The following TLL1 variants were observed in gnomAD, a reference collection of about 807,000 sequenced individuals.
TLL1 encodes the protein tolloid-like protein 1.
A neutral mutation model predicts 128.2 loss-of-function variants in TLL1; 49 were observed. The ratio of observed to expected loss-of-function variants is 0.38; its 90% CI spans 0.30 to 0.48. The LOEUF (loss-of-function observed/expected upper bound fraction) is 0.48. TLL1 is among the 20% of genes least tolerant of loss of function. TLL1 has a pLI of 0.96. For synonymous variants in TLL1, 454 were observed against 418.8 expected (o/e 1.08, Z -1.03); for missense variants, 1,123 against 1,242.0 (o/e 0.90, Z 1.44).
At chr4:166,039,156 T>C (rs75945609) in intron 9 of TLL1, among the ~76,000 whole-genome samples, 183 bp from the exon 10 acceptor site, 1,721 of 152,234 alleles carry the variant, frequency 0.011, 35 homozygotes, top group African/African-American at 0.039. Context: ...TTAAAGAAAA[T>C]GGGAAAACAT....
At chr4:165,939,586 C>T (rs1012598347) in intron 1 of TLL1, among the ~76,000 whole-genome samples, 2 of 151,986 alleles carry the variant, frequency 1.3e-5, no homozygotes, top group African/African-American at 4.8e-5. Context: ...CTTGGATCCT[C>T]AAGCTATTGA....
chr4:166,028,721 T>A (rs906824994), intron 9 of TLL1, among the ~76,000 whole-genome samples: 2 of 152,048 alleles, frequency 1.3e-5, no homozygotes, highest in Non-Finnish European at 2.9e-5. Context: ...CACTGTATAA[T>A]GAATTTCTTT....
chr4:166,003,970 G>A (rs1737287130), intron 6 of TLL1, among the ~76,000 whole-genome samples: 1 of 151,954 alleles, frequency 6.6e-6, no homozygotes, highest in African/African-American at 2.4e-5. Flanking sequence ...AACACGTGCT[G>A]CTACCATAGG....
intron 16 of TLL1, among the ~76,000 whole-genome samples, chr4:166,067,674 A>T (rs1481648569): frequency 2.0e-5 from 3 of 151,600 alleles, no homozygotes; most frequent in South Asian, 2.1e-4. Flanking sequence ...GTGCACTTAA[A>T]ATATATATAT....
intron 1 of TLL1, among the ~76,000 whole-genome samples, chr4:165,901,310 G>A (rs867680456): frequency 4.6e-5 from 7 of 152,242 alleles, no homozygotes; most frequent in Admixed American, 6.5e-5. Flanking sequence ...CTTTGGAGGA[G>A]GAGAAGAGAC....
intron 1 of TLL1, among the ~76,000 whole-genome samples, chr4:165,937,780 G>A (rs1051483605): frequency 6.6e-6 from 1 of 151,048 alleles, no homozygotes; most frequent in African/African-American, 2.4e-5. Context: ...GTTTTACTTG[G>A]TATAAAATCT....
intron 6 of TLL1, among the ~76,000 whole-genome samples, chr4:166,004,504 G>C (rs1212802295): frequency 1.3e-5 from 2 of 152,050 alleles, no homozygotes; most frequent in Non-Finnish European, 2.9e-5. Flanking sequence ...GATTGCAAGT[G>C]AGTGAGAAAA....
At chr4:165,982,753 C>T (rs936944435) in intron 1 of TLL1, among the ~76,000 whole-genome samples, 4 of 130,366 alleles carry the variant, frequency 3.1e-5, no homozygotes, top group African/African-American at 1.2e-4. Context: ...AAAAAAAAAG[C>T]AAATTTGCAT....
At chr4:165,876,563 A>G (rs1206708566) in intron 1 of TLL1, among the ~76,000 whole-genome samples, 1 of 152,198 alleles carries the variant, frequency 6.6e-6, no homozygotes, top group East Asian at 1.9e-4. Context: ...TATCACAATG[A>G]CAATCATGGC....
Position 166,100,990 on chromosome 4 carries a change from A to T in TLL1, c.*114A>T. The T allele has an allele frequency of 7.3e-7, 1 of 1,371,860 alleles. No individual in the cohort carries two copies. 85.0% of individuals were successfully genotyped at this position (1,371,860 alleles called of 1,614,324 possible). On this transcript the variant is annotated 3_prime_UTR_variant, in exon 21 of 21. Coordinates refer to ENST00000061240, the MANE Select transcript of TLL1 (RefSeq NM_012464.5). Reference sequence around the variant, plus strand: ...TTTATACAAAGAGTTTGAACAAAAAATCCCTGTAAGACCAGAATTATCTTT... The same window carrying T: ...TTTATACAAAGAGTTTGAACAAAAATTCCCTGTAAGACCAGAATTATCTTT...
intron 8 of TLL1, among the ~76,000 whole-genome samples, chr4:166,024,926 T>C (rs1195191401): frequency 2.0e-5 from 3 of 152,208 alleles, no homozygotes; most frequent in Non-Finnish European, 4.4e-5. Context: ...AGCCTCAATT[T>C]AAATCAAAAA....
intron 1 of TLL1, among the ~76,000 whole-genome samples, chr4:165,898,443 G>A (rs958245256): frequency 1.3e-5 from 2 of 152,048 alleles, no homozygotes; most frequent in Non-Finnish European, 2.9e-5. Context: ...GCATGAAGTC[G>A]TGTTGAATTT....
At chr4:166,020,890 G>A (rs1376544638) in intron 8 of TLL1, among the ~76,000 whole-genome samples, 1 of 152,108 alleles carries the variant, frequency 6.6e-6, no homozygotes, top group African/African-American at 2.4e-5. Flanking sequence ...GTTCCCACAG[G>A]AACATATGTA....
chr4:165,887,366 T>C (rs1228014500), intron 1 of TLL1, among the ~76,000 whole-genome samples: 1 of 151,892 alleles, frequency 6.6e-6, no homozygotes, highest in African/African-American at 2.4e-5. Flanking sequence ...AAAAGAGGGA[T>C]TGGAGGTAAG....
chr4:165,997,210 A>G (rs10034999), intron 5 of TLL1, among the ~76,000 whole-genome samples: 8,788 of 152,220 alleles, frequency 0.058, 681 homozygotes, highest in African/African-American at 0.18. Flanking sequence ...TTAAATTATT[A>G]AAGAGCTTGG....
At chr4:166,098,530 C>CT (rs1742134678) in intron 19 of TLL1, among the ~76,000 whole-genome samples, 1 of 152,016 alleles carries the variant, frequency 6.6e-6, no homozygotes, top group East Asian at 1.9e-4. Context: ...ATTAATTTAT[C>CT]TTTTTTAAAG....
chr4:165,989,341 G>A (rs150171602), intron 1 of TLL1, 40 bp from the exon 2 acceptor site: 31 of 1,439,542 alleles, frequency 2.2e-5, no homozygotes, highest in African/African-American at 8.4e-5. Flanking sequence ...TTGATTTCAC[G>A]GAAATATTTT....
chr4:165,983,604 A>T (rs62327246), intron 1 of TLL1, among the ~76,000 whole-genome samples: 85,539 of 151,582 alleles, frequency 0.56, 26,550 homozygotes, highest in Admixed American at 0.71. Flanking sequence ...TCAGATTCAC[A>T]TCTGATTGTG....
chr4:166,055,191 C>T lies in TLL1; in HGVS notation c.1640C>T (p.Ser547Phe). The T allele has an allele frequency of 6.2e-7, 1 of 1,613,664 alleles. No individual in the cohort carries two copies. The highest frequency in any genetic ancestry group is 8.5e-7 in the Non-Finnish European group (1 of 1,179,786). ...TATGACAAACCTGAAGACATAAGAT[C>T]TACCTCCAATACTTTGTGGATGAAG... is the stretch of plus-strand genomic sequence containing the variant. ...CGYDKPEDIR[S>F]TSNTLWMKFV... Residue 547 changes from serine to phenylalanine, a missense_variant, in exon 13 of 21, where the codon TCT becomes TTT. Coordinates refer to ENST00000061240, the MANE Select transcript of TLL1 (RefSeq NM_012464.5).
Sources: gnomAD v4.1 joint callset for allele counts (sites outside exome capture counted in the v4.1 genomes callset) on GRCh38, gnomAD v4.1.1 for gene constraint, MANE v1.5 for transcripts, NCBI Gene and HGNC (gene_info 2026-07-23, HGNC 2026-07-21) for gene names.